ALMS1: variants seen among roughly 807,000 people sequenced by gnomAD.
ALMS1 encodes the protein centrosome-associated protein ALMS1.
ALMS1 carries 271 observed loss-of-function variants against 352.2 expected under a neutral mutation model. That is an observed-to-expected ratio of 0.77 (90% CI 0.70 to 0.85). The LOEUF (loss-of-function observed/expected upper bound fraction) is 0.85. ALMS1 is among the 40% of genes least tolerant of loss of function. The probability of loss-of-function intolerance (pLI) is 0.00; values close to 1 mark genes in which losing one functional copy is unlikely to be tolerated. For synonymous variants in ALMS1, 1,865 were observed against 1,761.2 expected (o/e 1.06, Z -1.48); for missense variants, 5,445 against 4,870.7 (o/e 1.12, Z -3.51).
chr2:73,505,200 T>C (rs1673296222), intron 10 of ALMS1, among the ~76,000 whole-genome samples: 1 of 152,240 alleles, frequency 6.6e-6, no homozygotes, highest in Non-Finnish European at 1.5e-5. Flanking sequence ...GCATGTGTCT[T>C]TATAGTAGAA....
At chr2:73,419,096 G>A (rs775353839) in intron 2 of ALMS1, 27 bp from the exon 3 acceptor site, 3 of 1,571,582 alleles carry the variant, frequency 1.9e-6, no homozygotes, top group Non-Finnish European at 8.8e-7. Flanking sequence ...TAATGACTTA[G>A]CATGTTTTCC....
intron 2 of ALMS1, among the ~76,000 whole-genome samples, chr2:73,418,179 A>G (rs754797294): frequency 1.1e-4 from 17 of 152,204 alleles, no homozygotes; most frequent in Non-Finnish European, 1.9e-4. Context: ...GTAAAGTGTC[A>G]GTATGTGATG....
chr2:73,588,789 G>T (rs1328017907), intron 16 of ALMS1, among the ~76,000 whole-genome samples: 1 of 152,080 alleles, frequency 6.6e-6, no homozygotes. Context: ...CATGAGAAAA[G>T]AAAATGAGAG....
In ALMS1 at chr2:73,449,472, C is replaced by A; in HGVS notation, c.2945C>A (p.Ser982Tyr). The change falls in exon 8 of 23, where the codon TCT (serine) becomes TAT (tyrosine). Residue 982 changes from serine (S) to tyrosine (Y), a missense_variant. By Grantham distance (144) the Ser-to-Tyr change is moderately radical. Transcript: ENST00000613296. ...CTACCTAGAGAATCTCTGAAAATGTCTGCTATTCCTGGACTGACTGACCAG... is the reference window on the plus strand; with the variant it reads ...CTACCTAGAGAATCTCTGAAAATGTATGCTATTCCTGGACTGACTGACCAG... ...SDLPRESLKMSAIPGLTDQKT... is the reference protein window; with the variant it reads ...SDLPRESLKMYAIPGLTDQKT... 1 of 1,614,040 alleles carries A rather than the reference C, an allele frequency of 6.2e-7. No homozygotes were observed. The highest frequency in any genetic ancestry group is 8.5e-7 in the Non-Finnish European group (1 of 1,179,968).
At chr2:73,573,879 G>A (rs1674997958) in intron 16 of ALMS1, among the ~76,000 whole-genome samples, 1 of 151,146 alleles carries the variant, frequency 6.6e-6, no homozygotes, top group South Asian at 2.1e-4. Flanking sequence ...GAAGAATGGA[G>A]TTGATTTGAA....
chr2:73,508,304 G>T (rs1558674487), intron 10 of ALMS1, among the ~76,000 whole-genome samples: 2 of 148,944 alleles, frequency 1.3e-5, no homozygotes, highest in South Asian at 2.1e-4. Context: ...CTGGGTTCAC[G>T]CCATTCTCCT....
chr2:73,403,363 C>T (rs1170659068), intron 1 of ALMS1, among the ~76,000 whole-genome samples: 1 of 152,090 alleles, frequency 6.6e-6, no homozygotes, highest in Non-Finnish European at 1.5e-5. Context: ...TTATTTTTCT[C>T]TCTCTATTCT....
At chr2:73,550,755 G>A (rs904440903) in intron 13 of ALMS1, among the ~76,000 whole-genome samples, 1 of 152,038 alleles carries the variant, frequency 6.6e-6, no homozygotes, top group African/African-American at 2.4e-5. Context: ...TTGATTAAAT[G>A]CCACATTAGT....
chr2:73,587,471 G>C (rs983105785), intron 16 of ALMS1, among the ~76,000 whole-genome samples: 1 of 152,132 alleles, frequency 6.6e-6, no homozygotes, highest in Non-Finnish European at 1.5e-5. Flanking sequence ...ATTTTGCTGA[G>C]GGTTTTAATT....
intron 2 of ALMS1, among the ~76,000 whole-genome samples, chr2:73,413,236 G>A (rs11883989): frequency 0.036 from 5,422 of 151,962 alleles, 312 homozygotes; most frequent in African/African-American, 0.12. Context: ...TTTATCAGTT[G>A]TTTCTTTTGC....
chr2:73,581,575 A>G (rs984879297), intron 16 of ALMS1, among the ~76,000 whole-genome samples: 3 of 152,118 alleles, frequency 2.0e-5, no homozygotes, highest in African/African-American at 2.4e-5. Context: ...ACCTTTGACT[A>G]TCTTCCAAAG....
chr2:73,458,754 G>C (rs1672125739), intron 9 of ALMS1: 1 of 152,352 alleles, frequency 6.6e-6, no homozygotes, highest in Non-Finnish European at 1.5e-5. Flanking sequence ...AGGCCAGTGT[G>C]TTTGGAGAGT....
chr2:73,568,778 G>A (rs911523258), intron 15 of ALMS1, among the ~76,000 whole-genome samples: 17 of 152,034 alleles, frequency 1.1e-4, no homozygotes, highest in African/African-American at 3.9e-4. Context: ...ATGAAAAGCA[G>A]TAAATGATAT....
chr2:73,438,189 G>T (rs1476471336), intron 7 of ALMS1, among the ~76,000 whole-genome samples: 1 of 152,176 alleles, frequency 6.6e-6, no homozygotes, highest in African/African-American at 2.4e-5. Context: ...GGAGGCAAAA[G>T]AAAGAAATAT....
intron 17 of ALMS1, 135 bp downstream of exon 17, chr2:73,599,656 A>G (rs1422135051): frequency 9.0e-7 from 1 of 1,109,194 alleles, no homozygotes; most frequent in Non-Finnish European, 1.3e-6. Flanking sequence ...ATCTTGTCAG[A>G]TTGGCATAAA....
intron 9 of ALMS1, among the ~76,000 whole-genome samples, chr2:73,473,920 A>AAG (rs35028203): frequency 0.038 from 5,593 of 148,576 alleles, 109 homozygotes; most frequent in Non-Finnish European, 0.046. Context: ...TCTTAGAGGG[A>AAG]AGAGAGAGAG....
intron 2 of ALMS1, among the ~76,000 whole-genome samples, chr2:73,414,081 A>C (rs1217377366): frequency 6.6e-6 from 1 of 152,196 alleles, no homozygotes; most frequent in African/African-American, 2.4e-5. Flanking sequence ...TTTTTTATTA[A>C]GATTTCATTG....
intron 9 of ALMS1, among the ~76,000 whole-genome samples, chr2:73,462,242 A>G (rs1672220931): frequency 6.6e-6 from 1 of 152,210 alleles, no homozygotes. Flanking sequence ...AGCCCATCAG[A>G]CTAACAGCGG....
At chr2:73,525,878 A>G (rs1478424853) in intron 11 of ALMS1, among the ~76,000 whole-genome samples, 1 of 152,174 alleles carries the variant, frequency 6.6e-6, no homozygotes, top group Admixed American at 6.5e-5. Context: ...GAGTTTTCTC[A>G]GTGTTTTCTT....
Sources: gnomAD v4.1 joint callset for allele counts (sites outside exome capture counted in the v4.1 genomes callset) on GRCh38, gnomAD v4.1.1 for gene constraint, MANE v1.5 for transcripts, NCBI Gene and HGNC (gene_info 2026-07-23, HGNC 2026-07-21) for gene names.